The following RTTN variants were observed in gnomAD, a reference collection of about 807,000 sequenced individuals.
RTTN encodes rotatin.
RTTN carries 182 observed loss-of-function variants against 269.2 expected under a neutral mutation model. The observed-to-expected ratio is 0.68, with a 90% CI of 0.60 to 0.76. The LOEUF (loss-of-function observed/expected upper bound fraction) is 0.76, where lower values mean the gene tolerates loss of function less well. Ranked by LOEUF, RTTN falls within the 30% of genes least tolerant of loss-of-function variation. RTTN has a pLI of 0.00. For synonymous variants in RTTN, 1,006 were observed against 963.5 expected, an observed-to-expected ratio of 1.04 and a Z score of -0.82; for missense variants, 2,545 against 2,608.6, an observed-to-expected ratio of 0.98 and a Z score of 0.53.
At chr18:70,019,379 T>C (rs2056637161) in intron 45 of RTTN, 2 of 152,270 alleles carry the variant, frequency 1.3e-5, no homozygotes, top group South Asian at 4.2e-4. Context: ...CTCTCACATA[T>C]GCAGAATCTC....
intron 7 of RTTN, among the ~76,000 whole-genome samples, chr18:70,195,578 C>G (rs575789974): frequency 6.6e-6 from 1 of 152,334 alleles, no homozygotes; most frequent in South Asian, 2.1e-4. Flanking sequence ...TGTTTATCAC[C>G]TGTGCCCAGC....
intron 25 of RTTN, 97 bp from the exon 26 acceptor site, chr18:70,121,797 G>A (rs2059745429): frequency 5.1e-6 from 6 of 1,177,714 alleles, no homozygotes; most frequent in Non-Finnish European, 5.8e-6. Context: ...TGTCTTGTGA[G>A]GATGCTATTT....
rs2056924180 is a variant in RTTN at position 70,028,735 on chromosome 18, C to A, written c.5812G>T (p.Glu1938Ter). Residue 1938 changes from glutamate (E) to a stop codon, truncating the protein, a stop_gained, in exon 43 of 49, where the codon GAG becomes TAG. Coordinates refer to ENST00000640769, the MANE Select transcript of RTTN (RefSeq NM_173630.4). LOFTEE classifies it high-confidence loss of function. ...QLLRNCLYQN[E>*]ECKEAALEAH... is the part of the protein sequence containing the mutation. The stretch of plus-strand genomic sequence containing the variant: ...GTAGTTCTACTTACTTTACATTCCT[C>A]ATTTTGATAAAGACAGTTTCTTAGG... 4 of 1,606,102 alleles carry A rather than the reference C, an allele frequency of 2.5e-6. No homozygotes were observed. Among genetic ancestry groups the A allele is most frequent in the Non-Finnish European group, 2.6e-6 (3 of 1,174,784 alleles).
intron 26 of RTTN, among the ~76,000 whole-genome samples, chr18:70,118,370 T>C (rs761123714): frequency 3.3e-5 from 5 of 151,866 alleles, no homozygotes; most frequent in East Asian, 1.9e-4. Flanking sequence ...TCTAGACACA[T>C]AGAGCTACCA....
intron 12 of RTTN, among the ~76,000 whole-genome samples, chr18:70,168,594 C>T (rs1483212614): frequency 6.6e-6 from 1 of 152,116 alleles, no homozygotes; most frequent in Non-Finnish European, 1.5e-5. Context: ...AATATTAAGA[C>T]ATTTGTAATA....
intron 40 of RTTN, among the ~76,000 whole-genome samples, chr18:70,031,919 A>G (rs1391601005): frequency 1.3e-5 from 2 of 151,932 alleles, no homozygotes; most frequent in South Asian, 2.1e-4. Flanking sequence ...GCAGAGGGGG[A>G]AGTTGAAAAG....
chr18:70,006,659 T>C, intron 46 of RTTN, 175 bp from the exon 47 acceptor site: 1 of 580,894 alleles, frequency 1.7e-6, no homozygotes, highest in Non-Finnish European at 3.1e-6. Context: ...GAGGACAACC[T>C]CAAAACATTG....
At chr18:70,021,688 A>G (rs1298061250) in intron 44 of RTTN, among the ~76,000 whole-genome samples, 3 of 152,220 alleles carry the variant, frequency 2.0e-5, no homozygotes, top group Non-Finnish European at 4.4e-5. Context: ...CATATGCTTC[A>G]ATGACAGTTC....
chr18:70,138,354 C>G (rs935410647), intron 21 of RTTN: 3 of 152,130 alleles, frequency 2.0e-5, no homozygotes, highest in African/African-American at 4.8e-5. Context: ...TATTCATTCT[C>G]AAACTCATTG....
chr18:70,090,548 A>G (rs1027705811), intron 30 of RTTN, among the ~76,000 whole-genome samples: 9 of 152,170 alleles, frequency 5.9e-5, no homozygotes, highest in African/African-American at 2.2e-4. Flanking sequence ...GGGTTTGGCT[A>G]CTACTGATCT....
intron 31 of RTTN, among the ~76,000 whole-genome samples, chr18:70,087,210 A>C (rs2145191786): frequency 6.6e-6 from 1 of 152,302 alleles, no homozygotes; most frequent in East Asian, 1.9e-4. Context: ...ATAATCATAC[A>C]AATAGGAGCA....
intron 40 of RTTN, among the ~76,000 whole-genome samples, chr18:70,042,894 A>G (rs2057387568): frequency 6.6e-6 from 1 of 152,220 alleles, no homozygotes; most frequent in Admixed American, 6.5e-5. Context: ...GCAAAAATGA[A>G]GAGCATTAAC....
intron 31 of RTTN, among the ~76,000 whole-genome samples, chr18:70,087,244 T>C (rs2058725867): frequency 1.3e-5 from 2 of 152,182 alleles, no homozygotes; most frequent in Admixed American, 6.6e-5. Flanking sequence ...TAATGAAAGA[T>C]GAAATAACCA....
intron 34 of RTTN, 118 bp from the exon 35 acceptor site, chr18:70,066,040 G>A (rs953347425): frequency 7.6e-6 from 4 of 524,152 alleles, no homozygotes; most frequent in Non-Finnish European, 1.3e-5. Flanking sequence ...ATACTAGTTA[G>A]GATAACTAGA....
chr18:70,176,756 C>T lies in RTTN; in HGVS notation c.1395G>A (p.Met465Ile). The change falls in exon 11 of 49, where the codon ATG becomes ATA. Residue 465 changes from methionine (M) to isoleucine (I), a missense_variant. By Grantham distance (10) the Met-to-Ile change is conservative. Transcript: ENST00000640769. ...SSISLEQPEVMLVHHRMAFIS... is the reference protein window; with the variant it reads ...SSISLEQPEVILVHHRMAFIS... ...TAAAGGCCATTCTGTGGTGCACAAG[C>T]ATCACCTCTGGCTGCTCCAAACTGA... The T allele has an allele frequency of 6.2e-7, 1 of 1,614,160 alleles. No homozygotes were observed. Among genetic ancestry groups the T allele is most frequent in the Non-Finnish European group, 8.5e-7 (1 of 1,179,996 alleles).
chr18:70,194,248 C>T (rs144193029), intron 7 of RTTN: 1 of 152,204 alleles, frequency 6.6e-6, no homozygotes, highest in Non-Finnish European at 1.5e-5. Context: ...CCATGAGATA[C>T]CACTTCACAT....
At chr18:70,034,273 C>T (rs999247262) in intron 40 of RTTN, among the ~76,000 whole-genome samples, 1 of 152,128 alleles carries the variant, frequency 6.6e-6, no homozygotes, top group African/African-American at 2.4e-5. Context: ...GGTCAATATC[C>T]TTGATGAACA....
chr18:70,027,390 A>G (rs906331600), intron 43 of RTTN, among the ~76,000 whole-genome samples: 1 of 152,248 alleles, frequency 6.6e-6, no homozygotes, highest in Non-Finnish European at 1.5e-5. Context: ...TAATCTTAAT[A>G]TTCTTTGGAT....
At chr18:70,030,817 G>C in intron 41 of RTTN, 59 bp downstream of exon 41, 1 of 1,243,864 alleles carries the variant, frequency 8.0e-7, no homozygotes, top group Non-Finnish European at 1.1e-6. Context: ...ACTTGAACAA[G>C]CAACAAAACA....
Sources: gnomAD v4.1 joint callset for allele counts (sites outside exome capture counted in the v4.1 genomes callset) on GRCh38, gnomAD v4.1.1 for gene constraint, MANE v1.5 for transcripts, NCBI Gene and HGNC (gene_info 2026-07-23, HGNC 2026-07-21) for gene names.